The following RARRES1 variants were observed in gnomAD, a reference collection of about 807,000 sequenced individuals.
RARRES1 encodes the protein retinoic acid receptor responder 1, also known as retinoic acid receptor responder protein 1.
RARRES1 carries 34 observed loss-of-function variants against 30.6 expected under a neutral mutation model. The observed-to-expected ratio is 1.11, with a 90% CI of 0.84 to 1.48. RARRES1 has a LOEUF of 1.48. Among genes scored for constraint, RARRES1 ranks in the 40% most tolerant of loss-of-function variants. The probability of loss-of-function intolerance (pLI) is 0.00; values close to 1 mark genes in which losing one functional copy is unlikely to be tolerated. For missense variants in RARRES1, 373 were observed against 386.5 expected (o/e 0.97, Z 0.29); for synonymous variants, 153 against 155.5 (o/e 0.98, Z 0.12).
At chr3:158,711,063 T>A in intron 2 of RARRES1, 130 bp from the exon 3 acceptor site, 1 of 801,072 alleles carries the variant, frequency 1.2e-6, no homozygotes, top group Non-Finnish European at 2.0e-6. Context: ...TGGGTTTTGG[T>A]TTATTGTGGG....
intron 1 of RARRES1, among the ~76,000 whole-genome samples, chr3:158,730,292 C>A (rs1480786840): frequency 2.7e-5 from 4 of 146,616 alleles, no homozygotes; most frequent in Non-Finnish European, 4.5e-5. Flanking sequence ...TGCACTCCAG[C>A]CTGGGCAACA....
At chr3:158,702,375 T>C (rs1726763640) in intron 4 of RARRES1, among the ~76,000 whole-genome samples, 1 of 152,182 alleles carries the variant, frequency 6.6e-6, no homozygotes, top group African/African-American at 2.4e-5. Flanking sequence ...TACTTGTATG[T>C]CCTCGCTTTC....
rs897143244 is a variant in RARRES1, at chr3:158,713,921, G to A, written c.277-62C>T. Reference sequence around the variant, plus strand: ...CTCCCTTAAACATCCTCATATCCAGGAATCACACTCTTAGGATAACATGGC... The same window carrying A: ...CTCCCTTAAACATCCTCATATCCAGAAATCACACTCTTAGGATAACATGGC... On this transcript the variant is annotated intron_variant, in intron 1 of 5. Coordinates refer to ENST00000237696, the MANE Select transcript of RARRES1 (RefSeq NM_206963.2). 3.6e-6 allele frequency: 5 copies of A among 1,408,158 alleles called. No individual in the cohort carries two copies. The Admixed American group carries it at 7.0e-5, about 20-fold the overall frequency. The allele number at this position is 1,408,158 out of a possible 1,614,324, so 87.2% of individuals were successfully genotyped here. A position where few individuals can be genotyped will look rare whatever the true frequency, so the allele number is the denominator to read the frequency against.
intron 3 of RARRES1, among the ~76,000 whole-genome samples, chr3:158,710,250 C>T (rs564834549): frequency 1.3e-5 from 2 of 149,258 alleles, no homozygotes; most frequent in East Asian, 2.0e-4. Context: ...TCTTGTTGTC[C>T]AGGCTGGAGT....
At chr3:158,713,715 A>C in intron 2 of RARRES1, 82 bp downstream of exon 2, 1 of 1,323,254 alleles carries the variant, frequency 7.6e-7, no homozygotes, top group Non-Finnish European at 1.1e-6. Flanking sequence ...CCAGATCACT[A>C]TATATTAAGA....
At chr3:158,715,338 G>A (rs1167050487) in intron 1 of RARRES1, among the ~76,000 whole-genome samples, 3 of 152,224 alleles carry the variant, frequency 2.0e-5, no homozygotes, top group Admixed American at 6.5e-5. Context: ...TTTCTAGAGT[G>A]GGTGAGGCCT....
At chr3:158,710,959 T>C in intron 2 of RARRES1, 26 bp from the exon 3 acceptor site, 1 of 1,591,260 alleles carries the variant, frequency 6.3e-7, no homozygotes, top group Non-Finnish European at 8.6e-7. Flanking sequence ...GGATACTTTA[T>C]CACCTCCCAC....
rs747999853 is a variant in RARRES1, at chr3:158,719,959, C to T, written c.277-6100G>A. On this transcript the variant is annotated intron_variant, in intron 1 of 5. Coordinates refer to ENST00000237696, the MANE Select transcript of RARRES1 (RefSeq NM_206963.2). ...ATGATAAAAGTGATTACGTGTTGTA[C>T]TCTTACTGTGTGCCTCACCCGACCC... 4.6e-4 allele frequency among the ~76,000 whole-genome samples: 70 copies of T among 152,306 alleles called. 1 individual carries two copies. Among genetic ancestry groups the T allele is most frequent in the Non-Finnish European group, 8.2e-4 (56 of 68,028 alleles).
rs1726573341 is a variant in RARRES1 at position 158,697,202 on chromosome 3, AAC to A, written c.*474_*475del. On this transcript the variant is annotated 3_prime_UTR_variant, in exon 6 of 6. Transcript: ENST00000237696. ...TAAAACATAATCAAGTTCTTTTTAA[AAC>A]AGTTAATTTTTTTCCTATAATTTAC... 1.3e-5 allele frequency: 2 copies of A among 152,424 alleles called. No individual in the cohort carries two copies. Among genetic ancestry groups the A allele is most frequent in the South Asian group, 2.1e-4 (1 of 4,832 alleles). 9.4% of individuals were successfully genotyped at this position (152,424 alleles called of 1,614,324 possible). A position where few individuals can be genotyped will look rare whatever the true frequency, so the allele number is the denominator to read the frequency against.
At chr3:158,725,479 C>T (rs1727657170) in intron 1 of RARRES1, among the ~76,000 whole-genome samples, 1 of 152,172 alleles carries the variant, frequency 6.6e-6, no homozygotes. Context: ...AAGGATGAGT[C>T]TGCAGCCAAG....
At position 158,697,954 on chromosome 3, in the gene RARRES1, G is replaced by GGCACCCGCAAACAAC. The variant is rs758960419; in HGVS notation, c.688_689insGTTGTTTGCGGGTGC (p.Thr230delinsSerCysLeuArgValPro). On this transcript the variant is annotated protein_altering_variant, in exon 5 of 6. Transcript: ENST00000237696. ...TAGAACAGTATAATCAAAATCAATTGTATCATCATTAGTTTTCTAGAGGGA... is the reference window on the plus strand; with the variant it reads ...TAGAACAGTATAATCAAAATCAATTGGCACCCGCAAACAACTATCATCATTAGTTTTCTAGAGGGA... 1.3e-6 allele frequency: 2 copies of GGCACCCGCAAACAAC among 1,529,688 alleles called. No individual in the cohort carries two copies. The highest frequency in any genetic ancestry group is 1.8e-6 in the Non-Finnish European group (2 of 1,106,680). 94.8% of individuals were successfully genotyped at this position (1,529,688 alleles called of 1,614,324 possible). A position where few individuals can be genotyped will look rare whatever the true frequency, so the allele number is the denominator to read the frequency against.
chr3:158,725,164 T>G (rs1002626177), intron 1 of RARRES1, among the ~76,000 whole-genome samples: 2 of 152,168 alleles, frequency 1.3e-5, no homozygotes, highest in African/African-American at 4.8e-5. Context: ...GCTAGGGACA[T>G]CCTGAACAAC....
chr3:158,718,609 G>A (rs1727401560), intron 1 of RARRES1, among the ~76,000 whole-genome samples: 1 of 152,198 alleles, frequency 6.6e-6, no homozygotes, highest in Admixed American at 6.5e-5. Context: ...TCAAGCTTAT[G>A]TGTGAATGCC....
chr3:158,713,682 C>A lies in RARRES1; in HGVS notation c.339+115G>T, dbSNP rs1410350895. 4 of 1,008,534 alleles carry A rather than the reference C, an allele frequency of 4.0e-6. No individual in the cohort carries two copies. In the Admixed American group the frequency reaches 9.9e-5, roughly 25 times the overall value. The allele number at this position is 1,008,534 out of a possible 1,614,324, so 62.5% of individuals were successfully genotyped here. A position where few individuals can be genotyped will look rare whatever the true frequency, so the allele number is the denominator to read the frequency against. ...TCTTGATAACAAATAGGAAACAGAT[C>A]AGGAAAAAACAAAAGCAAACCTCCA... On this transcript the variant is annotated intron_variant, in intron 2 of 5. Transcript: ENST00000237696.
rs1192775924 is a variant in RARRES1 at position 158,732,004 on chromosome 3, C to G, written c.276+136G>C. On this transcript the variant is annotated intron_variant, in intron 1 of 5. Transcript: ENST00000237696. Reference sequence around the variant, plus strand: ...GGGGCGCCAGGCCCAGCTGGGATCTCCCCGGGCGTCGTGCGCACTGCACCT... The same window carrying G: ...GGGGCGCCAGGCCCAGCTGGGATCTGCCCGGGCGTCGTGCGCACTGCACCT... The G allele has an allele frequency of 5.4e-6, 5 of 928,982 alleles. No individual in the cohort carries two copies. In the East Asian group the frequency reaches 1.7e-4, roughly 31 times the overall value. 57.5% of individuals were successfully genotyped at this position (928,982 alleles called of 1,614,324 possible).
At position 158,721,963 on chromosome 3, in the gene RARRES1, C is replaced by T. The variant is rs1727525478; in HGVS notation, c.277-8104G>A. On this transcript the variant is annotated intron_variant, in intron 1 of 5. Coordinates refer to ENST00000237696, the MANE Select transcript of RARRES1 (RefSeq NM_206963.2). ...GAAATTAGCTGGGCGTGGTGGCGCA[C>T]ACCTGTAATTCCAGCTACTCGGGAG... is the stretch of plus-strand genomic sequence containing the variant. Among the ~76,000 whole-genome samples the T allele has an allele frequency of 2.0e-5, 3 of 151,634 alleles. No homozygotes were observed. In the South Asian group the frequency reaches 6.2e-4, roughly 31 times the overall value.
At chr3:158,727,708 C>G (rs1727736476) in intron 1 of RARRES1, among the ~76,000 whole-genome samples, 1 of 152,142 alleles carries the variant, frequency 6.6e-6, no homozygotes, top group Non-Finnish European at 1.5e-5. Context: ...GGGTCCTGAG[C>G]CTATGCCATG....
At chr3:158,714,440 G>A (rs1461084070) in intron 1 of RARRES1, among the ~76,000 whole-genome samples, 1 of 152,198 alleles carries the variant, frequency 6.6e-6, no homozygotes, top group Non-Finnish European at 1.5e-5. Flanking sequence ...CTAGGTGGGG[G>A]ACACCCGGTA....
intron 1 of RARRES1, among the ~76,000 whole-genome samples, chr3:158,728,515 TC>T (rs1440760791): frequency 1.5e-5 from 2 of 136,214 alleles, no homozygotes; most frequent in African/African-American, 5.8e-5. Flanking sequence ...TCTTTTTCTT[TC>T]TTTTTTTTTT....
Sources: allele counts gnomAD v4.1 joint callset (sites outside exome capture counted in the v4.1 genomes callset), GRCh38; gene constraint gnomAD v4.1.1; transcripts MANE v1.5; gene names NCBI Gene and HGNC (gene_info 2026-07-23, HGNC 2026-07-21).